The following RNF8 variants were observed in gnomAD, a reference collection of about 807,000 sequenced individuals.
RNF8 encodes E3 ubiquitin-protein ligase RNF8.
RNF8 carries 8 observed loss-of-function variants against 59.3 expected under a neutral mutation model. The observed-to-expected ratio is 0.13, with a 90% confidence interval of 0.08 to 0.24. The LOEUF (loss-of-function observed/expected upper bound fraction) is 0.24, where lower values mean the gene tolerates loss of function less well. Ranked by LOEUF, RNF8 falls within the 10% of genes least tolerant of loss-of-function variation. RNF8 has a pLI of 1.00. For synonymous variants in RNF8, 162 were observed against 200.0 expected, an observed-to-expected ratio of 0.81 and a Z score of 1.60; for missense variants, 406 against 572.6, an observed-to-expected ratio of 0.71 and a Z score of 2.97.
rs984694977 is a variant in RNF8 at position 37,394,673 on chromosome 6, A to G, written c.*3915A>G. On this transcript the variant is annotated 3_prime_UTR_variant, in exon 8 of 8. Coordinates refer to ENST00000373479, the MANE Select transcript of RNF8 (RefSeq NM_003958.4). ...TCCTTCAGGCTCTGTGAATACTTCA[A>G]CCTGCTGTGATTTGGGGCCGTTTGT... The G allele has an allele frequency of 3.9e-5, 6 of 152,000 alleles. No homozygotes were observed. Among genetic ancestry groups the G allele is most frequent in the Non-Finnish European group, 8.8e-5 (6 of 68,010 alleles). The allele number at this position is 152,000 out of a possible 1,614,324, so 9.4% of individuals were successfully genotyped here.
At chr6:37,364,433 G>A (rs1347510781) in intron 2 of RNF8, among the ~76,000 whole-genome samples, 1 of 152,106 alleles carries the variant, frequency 6.6e-6, no homozygotes, top group Non-Finnish European at 1.5e-5. Context: ...TTTTGTGACT[G>A]TTCATCGAGT....
Position 37,363,240 on chromosome 6 carries a change from C to G in RNF8, c.240+2666C>G, listed in dbSNP as rs564460048. Among the ~76,000 whole-genome samples, 137 of 152,332 alleles carry G rather than the reference C, an allele frequency of 9.0e-4. 3 individuals carry two copies. The South Asian group carries it at 0.022, about 24-fold the overall frequency. On this transcript the variant is annotated intron_variant, in intron 2 of 7. Transcript: ENST00000373479. ...GCTTCTGGTCCTCCAGCAACTAGAGCAGTGGTTATCAACCCTGTTTCCAGT... is the reference window on the plus strand; with the variant it reads ...GCTTCTGGTCCTCCAGCAACTAGAGGAGTGGTTATCAACCCTGTTTCCAGT...
At chr6:37,362,039 C>T (rs1047630498) in intron 2 of RNF8, among the ~76,000 whole-genome samples, 3 of 152,134 alleles carry the variant, frequency 2.0e-5, no homozygotes, top group Non-Finnish European at 4.4e-5. Context: ...GGCTTTATGA[C>T]GTCAAACAAT....
At position 37,386,872 on chromosome 6, in the gene RNF8, C is replaced by G. The variant is rs531828332; in HGVS notation, c.1442-3870C>G. ...TTTCCCACAGTAAAATTTTCTCCTG[C>G]CCTTTTTTGATTTTTAGTGATAACA... is the stretch of plus-strand genomic sequence containing the variant. On this transcript the variant is annotated intron_variant, in intron 7 of 7. Coordinates refer to ENST00000373479, the MANE Select transcript of RNF8 (RefSeq NM_003958.4). 1.4e-4 allele frequency among the ~76,000 whole-genome samples: 21 copies of G among 152,260 alleles called. No homozygotes were observed. In the Middle Eastern group the frequency reaches 0.01, roughly 74 times the overall value.
At chr6:37,365,891 C>T (rs1769530917) in intron 2 of RNF8, among the ~76,000 whole-genome samples, 1 of 152,176 alleles carries the variant, frequency 6.6e-6, no homozygotes, top group South Asian at 2.1e-4. Context: ...CTTTTCTAGT[C>T]TCCTTATATG....
intron 2 of RNF8, among the ~76,000 whole-genome samples, chr6:37,365,541 C>T (rs1005951896): frequency 2.6e-5 from 4 of 152,192 alleles, no homozygotes; most frequent in African/African-American, 4.8e-5. Flanking sequence ...CACTGAGCTA[C>T]GTAAATTATC....
Position 37,360,516 on chromosome 6 carries a change from G to A in RNF8, c.182G>A (p.Arg61Gln), listed in dbSNP as rs1317745521. 1.2e-6 allele frequency: 2 copies of A among 1,613,898 alleles called. No homozygotes were observed. The highest frequency in any genetic ancestry group is 8.5e-7 in the Non-Finnish European group (1 of 1,179,926). ...AAAATCTGCCCCCTGATGATTTCTC[G>A]AAACCACTGTGTTTTGAAGCAGAAT... ...VSKICPLMIS[R>Q]NHCVLKQNPE... is the part of the protein sequence containing the mutation. The change falls in exon 2 of 8, where the codon CGA becomes CAA. Residue 61 changes from arginine (R) to glutamine (Q), a missense_variant. Coordinates refer to ENST00000373479, the MANE Select transcript of RNF8 (RefSeq NM_003958.4). This position sits in a 1 kb window ranked among gnomAD's most constrained non-coding sequence, Gnocchi z 4.2.
In RNF8 at chr6:37,390,887, G is replaced by A. The variant is rs1425003529; in HGVS notation, c.*129G>A. 1 of 1,506,816 alleles carries A rather than the reference G, an allele frequency of 6.6e-7. No individual in the cohort carries two copies. The highest frequency in any genetic ancestry group is 9.2e-7 in the Non-Finnish European group (1 of 1,083,110). The allele number at this position is 1,506,816 out of a possible 1,614,324, so 93.3% of individuals were successfully genotyped here. ...GAGAAGTCTTGTGGGACAGAGACTT[G>A]AGTTAGGAAGCCCTCAGTCACTTGC... On this transcript the variant is annotated 3_prime_UTR_variant, in exon 8 of 8. Transcript: ENST00000373479.
At chr6:37,368,230 C>G (rs979251988) in intron 2 of RNF8, 2 of 633,040 alleles carry the variant, frequency 3.2e-6, no homozygotes, top group African/African-American at 1.9e-5. Flanking sequence ...AATTATCCAC[C>G]AATAATAAGG....
chr6:37,368,564 A>G lies in RNF8; in HGVS notation c.321A>G (p.Gln107=). Residue 107 remains glutamine (Q), a synonymous_variant, in exon 3 of 8, where the codon CAA becomes CAG. Transcript: ENST00000373479. The stretch of plus-strand genomic sequence containing the variant: ...CCATTCATCAGGGAGACTACATCCA[A>G]CTTGGAGTGCCTCTGGAAAATAAGG... The part of the protein sequence containing the change: ...VYSIHQGDYI[Q]LGVPLENKEN... 6.2e-7 allele frequency: 1 copy of G among 1,614,160 alleles called. No homozygotes were observed.
intron 4 of RNF8, 137 bp from the exon 5 acceptor site, chr6:37,374,483 A>G (rs1025615720): frequency 1.6e-6 from 1 of 633,796 alleles, no homozygotes; most frequent in Non-Finnish European, 2.8e-6. Context: ...GAATAAAGGT[A>G]TTATTTTGAA....
At chr6:37,374,571 A>C (rs368194690) in intron 4 of RNF8, 49 bp from the exon 5 acceptor site, 160 of 1,373,124 alleles carry the variant, frequency 1.2e-4, no homozygotes, top group Non-Finnish European at 1.6e-4. Context: ...GCTAAAAGGA[A>C]GGATGCATTG....
intron 6 of RNF8, among the ~76,000 whole-genome samples, chr6:37,379,833 ATTTG>A (rs1770176845): frequency 1.3e-5 from 2 of 152,288 alleles, no homozygotes; most frequent in African/African-American, 2.4e-5. Flanking sequence ...CAAGACATAA[ATTTG>A]TTTTTCTTTT....
chr6:37,385,903 C>T (rs201683260), intron 7 of RNF8, among the ~76,000 whole-genome samples: 5 of 148,880 alleles, frequency 3.4e-5, no homozygotes, highest in Non-Finnish European at 7.4e-5. Flanking sequence ...GGCATGATCA[C>T]GGCTCACTGT....
chr6:37,357,702 A>G (rs946232826), intron 1 of RNF8, among the ~76,000 whole-genome samples: 2 of 152,234 alleles, frequency 1.3e-5, no homozygotes, highest in Non-Finnish European at 1.5e-5. Context: ...CATTTTAAAG[A>G]GAAACAAGTG....
intron 7 of RNF8, among the ~76,000 whole-genome samples, chr6:37,382,493 AT>A (rs1331120633): frequency 1.3e-5 from 2 of 151,564 alleles, no homozygotes; most frequent in Non-Finnish European, 2.9e-5. Context: ...GGCTTTGTGA[AT>A]TTTTTTTTCT....
intron 2 of RNF8, among the ~76,000 whole-genome samples, chr6:37,362,111 A>G (rs1769347273): frequency 6.6e-6 from 1 of 152,244 alleles, no homozygotes; most frequent in East Asian, 1.9e-4. Flanking sequence ...GCGTATATCA[A>G]AACAGCTTAG....
intron 2 of RNF8, chr6:37,361,099 A>C (rs981446796): frequency 2.8e-6 from 1 of 357,078 alleles, no homozygotes; most frequent in South Asian, 2.1e-5. Flanking sequence ...CCTTTAAACA[A>C]ATTTGAAAAC....
At chr6:37,355,951 A>G (rs1163751861) in intron 1 of RNF8, among the ~76,000 whole-genome samples, 4 of 152,242 alleles carry the variant, frequency 2.6e-5, no homozygotes, top group Admixed American at 1.3e-4. Flanking sequence ...TGATCCCTGC[A>G]TACACACAAC....
Sources: allele counts gnomAD v4.1 joint callset (sites outside exome capture counted in the v4.1 genomes callset), GRCh38; gene constraint gnomAD v4.1.1; non-coding constraint Gnocchi (gnomAD v3.1); transcripts MANE v1.5; gene names NCBI Gene and HGNC (gene_info 2026-07-23, HGNC 2026-07-21).